EHMT1: variants seen among roughly 807,000 people sequenced by gnomAD.
EHMT1 encodes the protein histone-lysine N-methyltransferase EHMT1.
EHMT1 carries 15 observed loss-of-function variants against 147.2 expected under a neutral mutation model. The ratio of observed to expected loss-of-function variants is 0.10; its 90% confidence interval spans 0.07 to 0.16. The LOEUF (loss-of-function observed/expected upper bound fraction) is 0.16, where lower values mean the gene tolerates loss of function less well. Ranked by LOEUF, EHMT1 falls within the 10% of genes least tolerant of loss-of-function variation. EHMT1 has a pLI of 1.00. For synonymous variants in EHMT1, 795 were observed against 709.6 expected (o/e 1.12, Z -1.91); for missense variants, 1,587 against 1,772.4 (o/e 0.90, Z 1.88).
chr9:137,833,631 CA>C, intron 25 of EHMT1, among the ~76,000 whole-genome samples: 1 of 152,244 alleles, frequency 6.6e-6, no homozygotes, highest in Admixed American at 6.5e-5. Flanking sequence ...TCTCTATGGT[CA>C]ATTCAGAATC....
chr9:137,728,414 G>A lies in EHMT1; in HGVS notation c.708G>A (p.Glu236=), dbSNP rs1491003895. 1 of 1,614,064 alleles carries A rather than the reference G, an allele frequency of 6.2e-7. No individual in the cohort carries two copies. Among genetic ancestry groups the A allele is most frequent in the Non-Finnish European group, 8.5e-7 (1 of 1,180,044 alleles). Residue 236 remains glutamate, a synonymous_variant, in exon 4 of 27, where the codon GAG becomes GAA. Coordinates refer to ENST00000460843, the MANE Select transcript of EHMT1 (RefSeq NM_024757.5). ...GAGATCATAAGGAACCAAAAGAGGA[G>A]ATCAACAAAAACATTTCTGACTTTG... ...EARDHKEPKE[E]INKNISDFGR...
At chr9:137,800,011 T>C (rs923605432) in intron 17 of EHMT1, among the ~76,000 whole-genome samples, 3 of 152,064 alleles carry the variant, frequency 2.0e-5, no homozygotes, top group African/African-American at 7.2e-5. Context: ...GCAGGGGAGA[T>C]GTAGCTTTAA....
chr9:137,670,387 C>T (rs992064280), intron 1 of EHMT1, among the ~76,000 whole-genome samples: 2 of 152,160 alleles, frequency 1.3e-5, no homozygotes, highest in African/African-American at 2.4e-5. Context: ...GTCCCCTCTC[C>T]TGCCCTGACC....
chr9:137,724,439 A>G (rs1946395020), intron 3 of EHMT1, among the ~76,000 whole-genome samples: 2 of 152,218 alleles, frequency 1.3e-5, no homozygotes, highest in Non-Finnish European at 2.9e-5. Flanking sequence ...GTGCTTTGTT[A>G]GGTAACAAGA....
At chr9:137,769,535 C>T (rs1178665750) in intron 10 of EHMT1, among the ~76,000 whole-genome samples, 1 of 152,234 alleles carries the variant, frequency 6.6e-6, no homozygotes, top group East Asian at 1.9e-4. Context: ...TTCCCCACCC[C>T]CCAGCCCTTA....
chr9:137,646,828 C>T (rs1169791973), intron 1 of EHMT1, among the ~76,000 whole-genome samples: 1 of 152,182 alleles, frequency 6.6e-6, no homozygotes, highest in Non-Finnish European at 1.5e-5. Flanking sequence ...TCTTCCTTAC[C>T]TTTCTGTACC....
intron 1 of EHMT1, among the ~76,000 whole-genome samples, chr9:137,643,678 T>C (rs1457600664): frequency 6.6e-6 from 1 of 152,084 alleles, no homozygotes; most frequent in African/African-American, 2.4e-5. Context: ...TCTGAGGGTA[T>C]TGTCTGGCTG....
At chr9:137,772,403 T>G (rs1368219908) in intron 10 of EHMT1, among the ~76,000 whole-genome samples, 1 of 152,152 alleles carries the variant, frequency 6.6e-6, no homozygotes, top group East Asian at 1.9e-4. Flanking sequence ...AGCGGTGGGC[T>G]TGTGTGGAGA....
intron 3 of EHMT1, among the ~76,000 whole-genome samples, chr9:137,720,305 T>A (rs1945821692): frequency 6.6e-6 from 1 of 151,970 alleles, no homozygotes; most frequent in African/African-American, 2.4e-5. Context: ...TATAATTTTG[T>A]CATTTCTTTT....
At chr9:137,746,938 A>T (rs181359766) in intron 6 of EHMT1, 116 of 148,076 alleles carry the variant, frequency 7.8e-4, no homozygotes, top group African/African-American at 3.1e-3. Flanking sequence ...CACGAAAAGA[A>T]TCAAGAAACA....
chr9:137,761,442 G>A (rs1949805715), intron 9 of EHMT1, among the ~76,000 whole-genome samples: 2 of 152,136 alleles, frequency 1.3e-5, no homozygotes, highest in African/African-American at 2.4e-5. Flanking sequence ...TATATTTTTA[G>A]ATGTGAAAAC....
intron 1 of EHMT1, among the ~76,000 whole-genome samples, chr9:137,671,922 CG>C (rs1940710666): frequency 6.6e-6 from 1 of 152,176 alleles, no homozygotes; most frequent in South Asian, 2.1e-4. Flanking sequence ...GTGGAGAGGC[CG>C]TGGCCCCTTA....
At chr9:137,817,685 C>T (rs998275189) in intron 24 of EHMT1, 160 bp downstream of exon 24, 73 of 877,384 alleles carry the variant, frequency 8.3e-5, no homozygotes, top group East Asian at 2.1e-4. Context: ...GAACCAAGCT[C>T]GTGCTGTCCT....
intron 6 of EHMT1, among the ~76,000 whole-genome samples, chr9:137,748,910 C>T (rs1948759385): frequency 6.6e-6 from 1 of 152,130 alleles, no homozygotes; most frequent in Non-Finnish European, 1.5e-5. Flanking sequence ...AAACAGTACC[C>T]GGTTTAGCCA....
At chr9:137,643,935 G>A (rs761477252) in intron 1 of EHMT1, among the ~76,000 whole-genome samples, 1 of 152,206 alleles carries the variant, frequency 6.6e-6, no homozygotes, top group Non-Finnish European at 1.5e-5. Flanking sequence ...TGCAGCATGC[G>A]TTGTCTTCTC....
At chr9:137,658,652 G>A (rs920050562) in intron 1 of EHMT1, among the ~76,000 whole-genome samples, 8 of 150,348 alleles carry the variant, frequency 5.3e-5, no homozygotes, top group Non-Finnish European at 1.2e-4. Context: ...TTGCCCTGTA[G>A]CCCAGGCTGG....
intron 9 of EHMT1, 137 bp downstream of exon 9, chr9:137,758,148 T>G (rs1265990702): frequency 8.3e-7 from 1 of 1,204,296 alleles, no homozygotes; most frequent in Non-Finnish European, 1.2e-6. Context: ...CCAGCTGAGG[T>G]GTAGACAGGA....
intron 8 of EHMT1, among the ~76,000 whole-genome samples, chr9:137,754,739 A>G (rs1949244662): frequency 6.6e-6 from 1 of 151,830 alleles, no homozygotes; most frequent in South Asian, 2.1e-4. Flanking sequence ...CTGGTCTCGA[A>G]CTCCTGAGCT....
intron 17 of EHMT1, 127 bp downstream of exon 17, chr9:137,799,041 C>A: frequency 1.3e-6 from 1 of 792,502 alleles, no homozygotes; most frequent in Non-Finnish European, 2.1e-6. Flanking sequence ...CCAGCTCGGG[C>A]CCTCCAGCGT....
Sources: gnomAD v4.1 joint callset for allele counts (sites outside exome capture counted in the v4.1 genomes callset) on GRCh38, gnomAD v4.1.1 for gene constraint, MANE v1.5 for transcripts, NCBI Gene and HGNC (gene_info 2026-07-23, HGNC 2026-07-21) for gene names.